Variants in SENP5 observed in about 807,000 individuals in gnomAD.
SENP5 encodes SUMO specific peptidase 5.
Under a neutral mutation model 74.2 loss-of-function variants are expected in SENP5, and 21 were observed. The ratio of observed to expected loss-of-function variants is 0.28; its 90% CI spans 0.20 to 0.41. The LOEUF (loss-of-function observed/expected upper bound fraction) is 0.41, where lower values mean the gene tolerates loss of function less well. Ranked by LOEUF, SENP5 falls within the 10% of genes least tolerant of loss-of-function variation. SENP5 has a pLI of 1.00. For missense variants in SENP5, 717 were observed against 889.1 expected, an observed-to-expected ratio of 0.81 and a Z score of 2.46; for synonymous variants, 311 against 312.7, an observed-to-expected ratio of 0.99 and a Z score of 0.06.
chr3:196,899,078 CAAAA>C (rs10709079), intron 2 of SENP5, among the ~76,000 whole-genome samples: 2 of 108,222 alleles, frequency 1.8e-5, no homozygotes, highest in Non-Finnish European at 1.9e-5. Context: ...GACGCCATCT[CAAAA>C]AAAAAAAAAA....
intron 1 of SENP5, among the ~76,000 whole-genome samples, chr3:196,870,442 A>G (rs1713163084): frequency 6.6e-6 from 1 of 152,216 alleles, no homozygotes; most frequent in South Asian, 2.1e-4. Flanking sequence ...AGAGCCGGAA[A>G]TGGACCCTAC....
chr3:196,917,410 G>A (rs896872836), intron 6 of SENP5, among the ~76,000 whole-genome samples: 1 of 152,190 alleles, frequency 6.6e-6, no homozygotes, highest in African/African-American at 2.4e-5. Context: ...CACTCAGATA[G>A]TAACAGAACT....
At chr3:196,927,199 A>G (rs1432928645) in intron 7 of SENP5, among the ~76,000 whole-genome samples, 1 of 152,184 alleles carries the variant, frequency 6.6e-6, no homozygotes, top group African/African-American at 2.4e-5. Flanking sequence ...CAGAATATCT[A>G]AGGCTGGAAT....
chr3:196,919,330 A>T (rs1715518198), intron 6 of SENP5, among the ~76,000 whole-genome samples: 1 of 152,116 alleles, frequency 6.6e-6, no homozygotes, highest in Admixed American at 6.5e-5. Flanking sequence ...AAAATACAAA[A>T]ATTAGCCAGG....
chr3:196,868,336 C>T (rs1048814459), intron 1 of SENP5, among the ~76,000 whole-genome samples: 4 of 152,222 alleles, frequency 2.6e-5, no homozygotes, highest in Non-Finnish European at 5.9e-5. Context: ...GAAGCTGGCG[C>T]CCCCCAGCTC....
At position 196,933,408 on chromosome 3, in the gene SENP5, T is replaced by C. The variant is rs984623729; in HGVS notation, c.*2485T>C. The C allele has an allele frequency of 3.9e-5, 6 of 152,220 alleles. No individual in the cohort carries two copies. Among genetic ancestry groups the C allele is most frequent in the African/African-American group, 1.4e-4 (6 of 41,444 alleles). 9.4% of individuals were successfully genotyped at this position (152,220 alleles called of 1,614,324 possible). On this transcript the variant is annotated 3_prime_UTR_variant, in exon 10 of 10. Coordinates refer to ENST00000323460, the MANE Select transcript of SENP5 (RefSeq NM_152699.5). ...AATTGCTTTCCCTCTCTTCTTGTGA[T>C]TAGGTGTAAACCTCTATTTAACTCA...
chr3:196,930,669 C>A, intron 9 of SENP5, 144 bp from the exon 10 acceptor site: 1 of 611,448 alleles, frequency 1.6e-6, no homozygotes, highest in Non-Finnish European at 2.9e-6. Context: ...GGAAAAATTG[C>A]CTTACACGTA....
At chr3:196,907,820 G>A (rs547129954) in intron 6 of SENP5, among the ~76,000 whole-genome samples, 24 of 152,128 alleles carry the variant, frequency 1.6e-4, no homozygotes, top group African/African-American at 5.3e-4. Flanking sequence ...ATTCAGAGCC[G>A]TCCTGGGCTG....
Position 196,886,180 on chromosome 3 carries a change from C to T in SENP5, c.999C>T (p.Phe333=). 37 of 1,614,212 alleles carry T rather than the reference C, an allele frequency of 2.3e-5. No homozygotes were observed. The highest frequency in any genetic ancestry group is 3.1e-5 in the Non-Finnish European group (37 of 1,180,042). ...VPDCHTKGSS[F]LGKELSLDEA... ...ATTGCCACACTAAAGGAAGCTCTTT[C>T]TTGGGCAAGGAGCTTAGTTTAGACG... Residue 333 remains phenylalanine, a synonymous_variant, in exon 2 of 10, where the codon TTC becomes TTT. Coordinates refer to ENST00000323460, the MANE Select transcript of SENP5 (RefSeq NM_152699.5).
rs762124474 is a variant in SENP5, at chr3:196,885,346, A to T, written c.165A>T (p.Arg55Ser). ...CAGTTACTTGGAATAGACAGTTGAG[A>T]CATTTCCAGGGTAGAAAGAAAGCTC... ...GRPVTWNRQL[R>S]HFQGRKKALQ... The change falls in exon 2 of 10, where the codon AGA (arginine) becomes AGT (serine). Residue 55 changes from arginine to serine, a missense_variant. Physicochemically the swap from Arg to Ser is moderately radical, Grantham distance 110 (BLOSUM62 -1). Around this residue, in one of 4 missense-constraint regions of SENP5, gnomAD observed 567 missense variants for 577.4 expected, o/e 0.98. Transcript: ENST00000323460. 1 of 1,614,226 alleles carries T rather than the reference A, an allele frequency of 6.2e-7. No individual in the cohort carries two copies. The highest frequency in any genetic ancestry group is 1.1e-5 in the South Asian group (1 of 91,086).
rs184300480 is a variant in SENP5, at chr3:196,879,717, G to A, written c.-31-5434G>A. Among the ~76,000 whole-genome samples the A allele has an allele frequency of 1.5e-3, 234 of 152,200 alleles. 2 individuals are homozygous for A. Among genetic ancestry groups the A allele is most frequent in the African/African-American group, 5.1e-3 (212 of 41,512 alleles). ...CTGTGACTCTCTGAGAAGGATGCAT[G>A]GGAGGTAAATATTTTGATAACTTAC... On this transcript the variant is annotated intron_variant, in intron 1 of 9. Transcript: ENST00000323460.
intron 7 of SENP5, among the ~76,000 whole-genome samples, chr3:196,925,138 T>C (rs936047066): frequency 1.3e-5 from 2 of 150,898 alleles, no homozygotes; most frequent in Non-Finnish European, 2.9e-5. Context: ...GCAGGACTAA[T>C]AGTTAAAGAG....
intron 1 of SENP5, among the ~76,000 whole-genome samples, chr3:196,868,392 G>A (rs986729175): frequency 6.6e-6 from 1 of 152,256 alleles, no homozygotes; most frequent in East Asian, 1.9e-4. Context: ...GCTGTCACAG[G>A]CCTCCAGCTC....
At chr3:196,918,760 C>CAT (rs1715490015) in intron 6 of SENP5, among the ~76,000 whole-genome samples, 1 of 152,016 alleles carries the variant, frequency 6.6e-6, no homozygotes, top group Non-Finnish European at 1.5e-5. Flanking sequence ...ATGCTGCCTA[C>CAT]AAGAAACTCA....
chr3:196,915,644 A>T (rs560254531), intron 6 of SENP5, among the ~76,000 whole-genome samples: 1 of 152,310 alleles, frequency 6.6e-6, no homozygotes, highest in African/African-American at 2.4e-5. Context: ...GTCCAGTGCC[A>T]GCTGTGGTAG....
chr3:196,912,632 TAACA>T (rs1381087263), intron 6 of SENP5: 2 of 152,154 alleles, frequency 1.3e-5, no homozygotes, highest in Non-Finnish European at 2.9e-5. Flanking sequence ...TATACCTATG[TAACA>T]AACCTGCCTG....
At chr3:196,889,834 A>G (rs1430415410) in intron 2 of SENP5, among the ~76,000 whole-genome samples, 1 of 152,212 alleles carries the variant, frequency 6.6e-6, no homozygotes, top group Non-Finnish European at 1.5e-5. Flanking sequence ...GTGGTGTGAT[A>G]CTGAGTGCTC....
intron 1 of SENP5, among the ~76,000 whole-genome samples, chr3:196,875,671 T>G (rs577392530): frequency 8.4e-4 from 128 of 152,356 alleles, no homozygotes; most frequent in African/African-American, 2.3e-3. Flanking sequence ...AGGTGTTTCC[T>G]GACCCTTTTG....
chr3:196,925,992 C>G (rs1004603289), intron 7 of SENP5, among the ~76,000 whole-genome samples: 2 of 152,066 alleles, frequency 1.3e-5, no homozygotes, highest in Non-Finnish European at 2.9e-5. Context: ...AACTAAGGGG[C>G]CTGTATTTCC....
Sources: allele counts gnomAD v4.1 joint callset (sites outside exome capture counted in the v4.1 genomes callset), GRCh38; gene constraint gnomAD v4.1.1; regional missense constraint gnomAD v4.1.1; transcripts MANE v1.5; gene names NCBI Gene and HGNC (gene_info 2026-07-23, HGNC 2026-07-21).